The following FRK variants were observed in gnomAD, a reference collection of about 807,000 sequenced individuals.
FRK encodes the protein fyn related Src family tyrosine kinase, also known as tyrosine-protein kinase FRK.
In FRK, 51 loss-of-function variants were observed where a neutral mutation model predicts 56.4. That is an observed-to-expected ratio of 0.90 (90% CI 0.72 to 1.14). FRK has a LOEUF of 1.14. Ranked by LOEUF, FRK falls within the 50% of genes most tolerant of loss-of-function variation. The pLI, the probability that FRK is intolerant of heterozygous loss-of-function variation, is 0.00. For synonymous variants in FRK, 245 were observed against 217.9 expected (o/e 1.12, Z -1.10); for missense variants, 570 against 601.4 (o/e 0.95, Z 0.55).
At chr6:115,977,259 G>A (rs1015399688) in intron 2 of FRK, among the ~76,000 whole-genome samples, 5 of 152,146 alleles carry the variant, frequency 3.3e-5, no homozygotes, top group Admixed American at 3.3e-4. Flanking sequence ...TAGGATTCCA[G>A]CATGAATTAT....
chr6:116,023,220 A>G lies in FRK; in HGVS notation c.345-19222T>C, dbSNP rs113316322. Among the ~76,000 whole-genome samples the G allele has an allele frequency of 2.9e-3, 447 of 152,336 alleles. 5 individuals are homozygous for G. The highest frequency in any genetic ancestry group is 0.01 in the African/African-American group (422 of 41,578). ...CAAAATAGTACAAGGCCTTTGGAGA[A>G]ATATTTGGCAATATCTTATAAAGTT... On this transcript the variant is annotated intron_variant, in intron 1 of 7. Coordinates refer to ENST00000606080, the MANE Select transcript of FRK (RefSeq NM_002031.3).
intron 1 of FRK, among the ~76,000 whole-genome samples, chr6:116,020,060 T>C (rs1304124417): frequency 3.3e-5 from 5 of 152,168 alleles, no homozygotes; most frequent in Non-Finnish European, 7.3e-5. Flanking sequence ...AAGAAACTTT[T>C]CTAAACTATC....
intron 1 of FRK, chr6:116,039,146 GCTGAAAGGGAAGT>G: frequency 1.0e-6 from 1 of 978,536 alleles, no homozygotes; most frequent in Non-Finnish European, 1.7e-6. Flanking sequence ...GGAGAAGCTA[GCTGAAAGGGAAGT>G]GGCATCACTG....
At chr6:116,067,358 T>C in the FRK span, among the ~76,000 whole-genome samples, 1 of 152,160 alleles carries the variant, frequency 6.6e-6, no homozygotes, top group Non-Finnish European at 1.5e-5. Context: ...TATTACAGCA[T>C]GTCACTATTT....
At chr6:115,978,202 A>C (rs1284366160) in intron 2 of FRK, among the ~76,000 whole-genome samples, 1 of 152,180 alleles carries the variant, frequency 6.6e-6, no homozygotes, top group East Asian at 1.9e-4. Context: ...TAAAGATATA[A>C]TGAGACATGA....
intron 1 of FRK, chr6:116,039,052 T>G (rs1469501991): frequency 5.3e-6 from 4 of 758,878 alleles, no homozygotes; most frequent in Non-Finnish European, 9.9e-6. Context: ...AGAGTAGGCA[T>G]GTCTTTGGGG....
At chr6:116,100,281 T>A in the FRK span, among the ~76,000 whole-genome samples, 1 of 152,204 alleles carries the variant, frequency 6.6e-6, no homozygotes, top group Non-Finnish European at 1.5e-5. Context: ...TCTAACGCAC[T>A]CCAGGGTATG....
the FRK span, among the ~76,000 whole-genome samples, chr6:116,093,346 C>G: frequency 6.6e-6 from 1 of 152,212 alleles, no homozygotes; most frequent in South Asian, 2.1e-4. Context: ...TTCTCCCTCT[C>G]TGATTTAAAG....
chr6:115,962,234 G>A (rs1329507888), intron 4 of FRK, among the ~76,000 whole-genome samples: 4 of 134,922 alleles, frequency 3.0e-5, no homozygotes, highest in Admixed American at 7.3e-5. Context: ...AAAAAAGGCA[G>A]GGGTTGCAAT....
chr6:116,018,761 C>T (rs942143144), intron 1 of FRK, among the ~76,000 whole-genome samples: 1 of 152,238 alleles, frequency 6.6e-6, no homozygotes, highest in Admixed American at 6.5e-5. Flanking sequence ...GATACAAAGA[C>T]ATTTCCACCA....
chr6:116,001,076 A>G (rs898652383), intron 2 of FRK, among the ~76,000 whole-genome samples: 2 of 152,112 alleles, frequency 1.3e-5, no homozygotes, highest in Non-Finnish European at 2.9e-5. Context: ...CGTCCCTACT[A>G]AAAATACAAA....
rs981315578 is a variant in FRK, at chr6:115,954,353, G to A, written c.958+2099C>T. 2.0e-5 allele frequency among the ~76,000 whole-genome samples: 3 copies of A among 152,198 alleles called. No homozygotes were observed. The East Asian group carries it at 5.8e-4, about 29-fold the overall frequency. Reference sequence around the variant, plus strand: ...ACATTTTAACTGTATCTCTCTAGCTGTTATGTTAAGAAGAAACTGAAGGAG... The same window carrying A: ...ACATTTTAACTGTATCTCTCTAGCTATTATGTTAAGAAGAAACTGAAGGAG... On this transcript the variant is annotated intron_variant, in intron 5 of 7. Coordinates refer to ENST00000606080, the MANE Select transcript of FRK (RefSeq NM_002031.3).
rs1262743534 is a variant in FRK at position 115,935,315 on chromosome 6, C to T, written c.*7099G>A. On this transcript the variant is annotated 3_prime_UTR_variant, in exon 8 of 8. Coordinates refer to ENST00000606080, the MANE Select transcript of FRK (RefSeq NM_002031.3). ...ACCTGAGGAACGGTGCACTCCAGCC[C>T]AGATACTGCACTTTTCCCATGGTCT... is the stretch of plus-strand genomic sequence containing the variant. 1 of 152,384 alleles carries T rather than the reference C, an allele frequency of 6.6e-6. No homozygotes were observed. Among genetic ancestry groups the T allele is most frequent in the Non-Finnish European group, 1.5e-5 (1 of 68,170 alleles). The allele number at this position is 152,384 out of a possible 1,614,324, so 9.4% of individuals were successfully genotyped here.
chr6:116,050,052 C>G (rs188189339), intron 1 of FRK, among the ~76,000 whole-genome samples: 1 of 152,078 alleles, frequency 6.6e-6, no homozygotes, highest in African/African-American at 2.4e-5. Flanking sequence ...GTTTTTGACA[C>G]GCTTATGGCA....
intron 1 of FRK, among the ~76,000 whole-genome samples, chr6:116,059,662 G>A (rs541595314): frequency 2.0e-5 from 3 of 152,190 alleles, no homozygotes; most frequent in Non-Finnish European, 4.4e-5. Flanking sequence ...CTAAAGTGAG[G>A]CATGAGTTAT....
chr6:116,069,866 T>C, the FRK span, among the ~76,000 whole-genome samples: 2 of 152,126 alleles, frequency 1.3e-5, no homozygotes, highest in Non-Finnish European at 1.5e-5. Flanking sequence ...TCAGTAGATC[T>C]GGAGTGAAGT....
At chr6:116,004,823 G>A (rs991854480) in intron 1 of FRK, among the ~76,000 whole-genome samples, 12 of 152,130 alleles carry the variant, frequency 7.9e-5, no homozygotes, top group Admixed American at 6.5e-4. Flanking sequence ...TCTAATAAGA[G>A]GAAGCTGAGA....
the FRK span, among the ~76,000 whole-genome samples, chr6:116,069,278 A>G: frequency 6.6e-6 from 1 of 152,244 alleles, no homozygotes; most frequent in East Asian, 1.9e-4. Context: ...CAAGTTTGGG[A>G]TACAAAATTT....
intron 4 of FRK, among the ~76,000 whole-genome samples, chr6:115,958,521 G>A (rs896353498): frequency 6.6e-5 from 10 of 151,516 alleles, no homozygotes; most frequent in South Asian, 2.1e-4. Flanking sequence ...CCAGCTACTC[G>A]GGAGGCTGAG....
Sources: allele counts gnomAD v4.1 joint callset (sites outside exome capture counted in the v4.1 genomes callset), GRCh38; gene constraint gnomAD v4.1.1; transcripts MANE v1.5; gene names NCBI Gene and HGNC (gene_info 2026-07-23, HGNC 2026-07-21).